The following ACRBP variants were observed in gnomAD, a reference collection of about 807,000 sequenced individuals.
The protein encoded by ACRBP is acrosin-binding protein.
Under a neutral mutation model 69.0 loss-of-function variants are expected in ACRBP, and 52 were observed. The observed-to-expected ratio is 0.75, with a 90% CI of 0.60 to 0.95. The LOEUF (loss-of-function observed/expected upper bound fraction) is 0.95. Ranked by LOEUF, ACRBP falls within the 40% of genes least tolerant of loss-of-function variation. The pLI is 0.00. For missense variants in ACRBP, 604 were observed against 673.0 expected (o/e 0.90, Z 1.13); for synonymous variants, 267 against 258.9 (o/e 1.03, Z -0.30).
chr12:6,647,400 C>A lies in ACRBP; in HGVS notation c.-34G>T. 6.7e-7 allele frequency: 1 copy of A among 1,498,022 alleles called. No individual in the cohort carries two copies. The highest frequency in any genetic ancestry group is 8.9e-7 in the Non-Finnish European group (1 of 1,121,736). The allele number at this position is 1,498,022 out of a possible 1,614,324, so 92.8% of individuals were successfully genotyped here. A position where few individuals can be genotyped will look rare whatever the true frequency, so the allele number is the denominator to read the frequency against. ...AAGATCCGCCCGCGTCCCGTGGACA[C>A]AAGCCGCCTCTAACGGGCCAAGCCG... On this transcript the variant is annotated 5_prime_UTR_variant, in exon 1 of 10. Coordinates refer to ENST00000229243, the MANE Select transcript of ACRBP (RefSeq NM_032489.3).
intron 3 of ACRBP, among the ~76,000 whole-genome samples, chr12:6,645,797 A>T (rs1450087669): frequency 6.6e-6 from 1 of 151,132 alleles, no homozygotes; most frequent in Non-Finnish European, 1.5e-5. Flanking sequence ...AGTAGCTGGG[A>T]CTACAGGCGC....
rs1349125946 is a variant in ACRBP, at chr12:6,646,548, A to C, written c.292T>G (p.Ser98Ala). The C allele has an allele frequency of 6.2e-7, 1 of 1,614,064 alleles. No individual in the cohort carries two copies. The highest frequency in any genetic ancestry group is 1.1e-5 in the South Asian group (1 of 91,080). ...GAVCSNLPYA[S>A]WFESFCQFTH... ...AACTGGCAGAAAGACTCAAACCAGG[A>C]GGCATAAGGGAGGTTGGAGCAGACA... Residue 98 changes from serine (S) to alanine (A), a missense_variant, in exon 3 of 10, where the codon TCC becomes GCC. Coordinates refer to ENST00000229243, the MANE Select transcript of ACRBP (RefSeq NM_032489.3).
Position 6,639,932 on chromosome 12 carries a change from G to C in ACRBP, c.1425+128C>G, listed in dbSNP as rs1035859003. ...CTCTTGGAGAGAGGCAGGAGATTCAGTGAGGACGGGTTCTCAGAAGCCAGG... is the reference window on the plus strand; with the variant it reads ...CTCTTGGAGAGAGGCAGGAGATTCACTGAGGACGGGTTCTCAGAAGCCAGG... On this transcript the variant is annotated intron_variant, in intron 8 of 9. Transcript: ENST00000229243. The C allele has an allele frequency of 1.3e-4, 150 of 1,159,832 alleles. 1 individual carries two copies. The Middle Eastern group carries it at 3.3e-3, about 26-fold the overall frequency. 71.8% of individuals were successfully genotyped at this position (1,159,832 alleles called of 1,614,324 possible).
chr12:6,644,779 T>A (rs1949076564), intron 4 of ACRBP, among the ~76,000 whole-genome samples, 174 bp from the exon 5 acceptor site: 1 of 152,136 alleles, frequency 6.6e-6, no homozygotes, highest in African/African-American at 2.4e-5. Context: ...CCACGGCAAC[T>A]GTAAGGCTGG....
chr12:6,643,801 AG>A (rs1949069708), intron 5 of ACRBP, 130 bp from the exon 6 acceptor site: 1 of 1,310,218 alleles, frequency 7.6e-7, no homozygotes, highest in African/African-American at 1.5e-5. Context: ...ATGGGGCCTT[AG>A]AGGCCTCTGG....
intron 8 of ACRBP, among the ~76,000 whole-genome samples, chr12:6,639,331 A>G (rs981701691): frequency 1.3e-5 from 2 of 152,232 alleles, no homozygotes; most frequent in Admixed American, 1.3e-4. Flanking sequence ...AGGGTCCAGA[A>G]CATGGGACAG....
At chr12:6,645,980 GAC>G (rs1949085310) in intron 3 of ACRBP, among the ~76,000 whole-genome samples, 1 of 150,236 alleles carries the variant, frequency 6.7e-6, no homozygotes, top group African/African-American at 2.5e-5. Context: ...TTTTTTTTGA[GAC>G]ACAGTCTTGC....
At chr12:6,639,847 C>T (rs901793874) in intron 8 of ACRBP, among the ~76,000 whole-genome samples, 10 of 152,172 alleles carry the variant, frequency 6.6e-5, no homozygotes, top group African/African-American at 2.4e-4. Flanking sequence ...TTTCTCAGCC[C>T]TCTGGGTCCC....
chr12:6,639,003 T>A lies in ACRBP; in HGVS notation c.1460A>T (p.Tyr487Phe), dbSNP rs138068731. 71 of 1,614,166 alleles carry A rather than the reference T, an allele frequency of 4.4e-5. No individual in the cohort carries two copies. In the African/African-American group the frequency reaches 8.7e-4, roughly 20 times the overall value. ...CDTDYIQYPN[Y>F]CSFKSQQCLM... ...ACACTGCTGGCTTTTGAAGGAACAG[T>A]AGTTTGGGTACTGGATATAGTCTGT... is the stretch of plus-strand genomic sequence containing the variant. Residue 487 changes from tyrosine (Y) to phenylalanine (F), a missense_variant, in exon 9 of 10, where the codon TAC becomes TTC. Transcript: ENST00000229243.
rs759104950 is a variant in ACRBP, at chr12:6,640,084, G to A, written c.1401C>T (p.Phe467=). Residue 467 remains phenylalanine (F), a synonymous_variant, in exon 8 of 10, where the codon TTC becomes TTT. Coordinates refer to ENST00000229243, the MANE Select transcript of ACRBP (RefSeq NM_032489.3). This position sits in a 1 kb window ranked among gnomAD's most constrained non-coding sequence, Gnocchi z 5.3. ...SGWLQTEFLS[F]QDGDFPTKIC... The stretch of plus-strand genomic sequence containing the variant: ...CCTTGGTAGGGAAATCCCCATCCTG[G>A]AAGCTAAGGAACTCAGTCTGGAGCC... The A allele has an allele frequency of 3.7e-6, 6 of 1,614,066 alleles. No individual in the cohort carries two copies. In the Admixed American group the frequency reaches 1.0e-4, roughly 27 times the overall value.
chr12:6,644,939 T>C (rs1949077442), intron 4 of ACRBP, among the ~76,000 whole-genome samples: 1 of 152,176 alleles, frequency 6.6e-6, no homozygotes, highest in Non-Finnish European at 1.5e-5. Context: ...GACATTAGCT[T>C]ATAAAGGGCC....
At chr12:6,647,103 A>C in intron 1 of ACRBP, 91 bp from the exon 2 acceptor site, 1 of 1,254,760 alleles carries the variant, frequency 8.0e-7, no homozygotes, top group Non-Finnish European at 1.1e-6. Flanking sequence ...CAAATTAGGA[A>C]CGGGGTGAGG....
chr12:6,639,608 A>G (rs1489055330), intron 8 of ACRBP, among the ~76,000 whole-genome samples: 3 of 152,174 alleles, frequency 2.0e-5, no homozygotes, highest in Non-Finnish European at 4.4e-5. Flanking sequence ...GAGGTAACTC[A>G]GGGGAACGGG....
intron 1 of ACRBP, 33 bp from the exon 2 acceptor site, chr12:6,647,045 C>G (rs372340220): frequency 9.9e-5 from 157 of 1,588,874 alleles, no homozygotes; most frequent in African/African-American, 1.6e-4. Flanking sequence ...ATGGAAGGAC[C>G]GAACCCCAAA....
intron 1 of ACRBP, 109 bp from the exon 2 acceptor site, chr12:6,647,121 C>A (rs564677550): frequency 8.6e-7 from 1 of 1,161,790 alleles, no homozygotes; most frequent in South Asian, 1.4e-5. Flanking sequence ...AGGGTTATCC[C>A]TGCTGACCAG....
At position 6,638,235 on chromosome 12, in the gene ACRBP, A is replaced by T; in HGVS notation, c.*47T>A. 1 of 1,605,290 alleles carries T rather than the reference A, an allele frequency of 6.2e-7. No individual in the cohort carries two copies. The highest frequency in any genetic ancestry group is 8.5e-7 in the Non-Finnish European group (1 of 1,173,924). ...AAGCAATGGGGTCTCAAAACAATAGAGAACGTGGGCAGGTTGGGCTGGGGT... is the reference window on the plus strand; with the variant it reads ...AAGCAATGGGGTCTCAAAACAATAGTGAACGTGGGCAGGTTGGGCTGGGGT... On this transcript the variant is annotated 3_prime_UTR_variant, in exon 10 of 10. Transcript: ENST00000229243.
rs2136248288 is a variant in ACRBP, at chr12:6,638,977, G to A, written c.1486C>T (p.Leu496=). The change falls in exon 9 of 10, where the codon CTG becomes TTG. Residue 496 remains leucine (L), a synonymous_variant. Coordinates refer to ENST00000229243, the MANE Select transcript of ACRBP (RefSeq NM_032489.3). ...ACCTTCCGATTGCGGTTTCTCATCA[G>A]ACACTGCTGGCTTTTGAAGGAACAG... is the stretch of plus-strand genomic sequence containing the variant. ...NYCSFKSQQC[L]MRNRNRKVSR... 1 of 1,614,180 alleles carries A rather than the reference G, an allele frequency of 6.2e-7. No individual in the cohort carries two copies. Among genetic ancestry groups the A allele is most frequent in the Non-Finnish European group, 8.5e-7 (1 of 1,180,016 alleles).
chr12:6,647,418 C>A lies in ACRBP; in HGVS notation c.-52G>T, dbSNP rs953274587. The A allele has an allele frequency of 1.4e-6, 2 of 1,478,364 alleles. No homozygotes were observed. Among genetic ancestry groups the A allele is most frequent in the Non-Finnish European group, 1.8e-6 (2 of 1,108,870 alleles). The allele number at this position is 1,478,364 out of a possible 1,614,324, so 91.6% of individuals were successfully genotyped here. ...GTGGACACAAGCCGCCTCTAACGGG[C>A]CAAGCCGCAGAGAGAGCCGCAGGCG... On this transcript the variant is annotated 5_prime_UTR_variant, in exon 1 of 10. Coordinates refer to ENST00000229243, the MANE Select transcript of ACRBP (RefSeq NM_032489.3).
intron 6 of ACRBP, among the ~76,000 whole-genome samples, chr12:6,642,071 C>T (rs955628365): frequency 1.3e-5 from 2 of 152,136 alleles, no homozygotes; most frequent in African/African-American, 4.8e-5. Flanking sequence ...GGAGAGTTGT[C>T]CCCAACCCAC....
Sources: allele counts gnomAD v4.1 joint callset (sites outside exome capture counted in the v4.1 genomes callset), GRCh38; gene constraint gnomAD v4.1.1; non-coding constraint Gnocchi (gnomAD v3.1); transcripts MANE v1.5; gene names NCBI Gene and HGNC (gene_info 2026-07-23, HGNC 2026-07-21).